ARHGAP24: variants seen among roughly 807,000 people sequenced by gnomAD.
ARHGAP24 encodes the protein Rho GTPase activating protein 24.
In ARHGAP24, 50 loss-of-function variants were observed where a neutral mutation model predicts 76.4. The observed-to-expected ratio is 0.65, with a 90% CI of 0.52 to 0.83. The LOEUF (loss-of-function observed/expected upper bound fraction) is 0.83. ARHGAP24 is among the 40% of genes least tolerant of loss of function. The pLI, the probability that ARHGAP24 is intolerant of heterozygous loss-of-function variation, is 0.00. For missense variants in ARHGAP24, 930 were observed against 914.2 expected (o/e 1.02, Z -0.22); for synonymous variants, 345 against 323.3 (o/e 1.07, Z -0.72).
At chr4:85,538,216 A>G (rs4431218) in intron 1 of ARHGAP24, among the ~76,000 whole-genome samples, 18,684 of 152,064 alleles carry the variant, frequency 0.12, 3,223 homozygotes, top group African/African-American at 0.39. Flanking sequence ...TATTTGCTCA[A>G]CAGTTTTAAT....
At chr4:85,913,564 A>G (rs1241457929) in intron 3 of ARHGAP24, among the ~76,000 whole-genome samples, 2 of 151,960 alleles carry the variant, frequency 1.3e-5, no homozygotes, top group Non-Finnish European at 2.9e-5. Flanking sequence ...CTCATTGGTG[A>G]CTTCCAAATG....
At chr4:85,936,679 G>A (rs982989245) in intron 4 of ARHGAP24, among the ~76,000 whole-genome samples, 2 of 152,142 alleles carry the variant, frequency 1.3e-5, no homozygotes, top group Non-Finnish European at 2.9e-5. Context: ...CATGCAAAAT[G>A]TTAAGGAATA....
chr4:85,649,573 C>A (rs1024014103), intron 2 of ARHGAP24, among the ~76,000 whole-genome samples: 4 of 152,128 alleles, frequency 2.6e-5, no homozygotes, highest in Non-Finnish European at 5.9e-5. Context: ...TGATTTAATT[C>A]CCCATTAGAA....
intron 3 of ARHGAP24, among the ~76,000 whole-genome samples, chr4:85,923,123 A>G (rs1415819063): frequency 2.6e-5 from 4 of 151,842 alleles, no homozygotes; most frequent in African/African-American, 9.7e-5. Flanking sequence ...TCCAGAACAG[A>G]GGCATAGAGA....
chr4:85,905,548 G>C (rs898032182), intron 3 of ARHGAP24, among the ~76,000 whole-genome samples: 3 of 152,056 alleles, frequency 2.0e-5, no homozygotes, highest in Admixed American at 6.6e-5. Context: ...AATTCACTCA[G>C]TAAGTTTCCT....
At chr4:85,797,317 C>T (rs1327870851) in intron 3 of ARHGAP24, among the ~76,000 whole-genome samples, 5 of 151,946 alleles carry the variant, frequency 3.3e-5, no homozygotes, top group African/African-American at 7.3e-5. Flanking sequence ...GGACTACAGG[C>T]GCCCGCCACC....
At chr4:85,814,093 A>G (rs1220215432) in intron 3 of ARHGAP24, among the ~76,000 whole-genome samples, 2 of 151,984 alleles carry the variant, frequency 1.3e-5, no homozygotes, top group East Asian at 3.9e-4. Flanking sequence ...CTACCATGAG[A>G]ACAGCATGGG....
intron 2 of ARHGAP24, 90 bp from the exon 3 acceptor site, chr4:85,721,795 A>G: frequency 8.8e-7 from 1 of 1,131,204 alleles, no homozygotes; most frequent in Non-Finnish European, 1.3e-6. Context: ...ACTGGGTTAT[A>G]GCTACACCTT....
intron 2 of ARHGAP24, among the ~76,000 whole-genome samples, chr4:85,627,070 C>G (rs1394226971): frequency 2.0e-5 from 3 of 152,164 alleles, no homozygotes; most frequent in African/African-American, 7.2e-5. Context: ...CTTCTTCTCT[C>G]AACTTGTCAG....
intron 5 of ARHGAP24, among the ~76,000 whole-genome samples, chr4:85,966,262 C>CA (rs1560751600): frequency 6.6e-6 from 1 of 152,140 alleles, no homozygotes; most frequent in Non-Finnish European, 1.5e-5. Flanking sequence ...AGTACCATTA[C>CA]ATTAGGAGTT....
intron 2 of ARHGAP24, among the ~76,000 whole-genome samples, chr4:85,705,453 C>G (rs1040317044): frequency 6.6e-6 from 1 of 152,156 alleles, no homozygotes; most frequent in African/African-American, 2.4e-5. Flanking sequence ...TGGGAAGTGA[C>G]TACACACTCA....
In ARHGAP24 at chr4:86,000,889, G is replaced by C; in HGVS notation, c.*167G>C. 1 of 975,546 alleles carries C rather than the reference G, an allele frequency of 1.0e-6. No individual in the cohort carries two copies. The highest frequency in any genetic ancestry group is 2.7e-5 in the East Asian group (1 of 37,680). 60.4% of individuals were successfully genotyped at this position (975,546 alleles called of 1,614,324 possible). On this transcript the variant is annotated 3_prime_UTR_variant, in exon 10 of 10. Transcript: ENST00000395184. ...ATCCATATCTGCAATGTGTACCAAAGTTATATCATGCCCCATAATGCTACT... is the reference window on the plus strand; with the variant it reads ...ATCCATATCTGCAATGTGTACCAAACTTATATCATGCCCCATAATGCTACT...
chr4:85,703,901 CA>C (rs34263930), intron 2 of ARHGAP24, among the ~76,000 whole-genome samples: 2 of 152,036 alleles, frequency 1.3e-5, no homozygotes, highest in Non-Finnish European at 2.9e-5. Flanking sequence ...ATGCTACCCC[CA>C]AAAAAATCCC....
chr4:85,826,584 A>G (rs1372177749), intron 3 of ARHGAP24, among the ~76,000 whole-genome samples: 1 of 152,162 alleles, frequency 6.6e-6, no homozygotes, highest in East Asian at 1.9e-4. Flanking sequence ...GCAGCAAGTA[A>G]TTTACTAGTC....
At chr4:85,488,392 T>C (rs950007209) in intron 1 of ARHGAP24, among the ~76,000 whole-genome samples, 15 of 152,304 alleles carry the variant, frequency 9.8e-5, no homozygotes, top group African/African-American at 3.6e-4. Context: ...TCTTTCATGT[T>C]TACTATCTAG....
intron 4 of ARHGAP24, chr4:85,930,840 G>C: frequency 6.3e-7 from 1 of 1,592,294 alleles, no homozygotes; most frequent in Non-Finnish European, 8.5e-7. Context: ...AAAATAACAA[G>C]TAAACAAGCA....
intron 3 of ARHGAP24, among the ~76,000 whole-genome samples, chr4:85,866,804 T>C (rs1306539963): frequency 6.6e-6 from 1 of 152,098 alleles, no homozygotes; most frequent in East Asian, 1.9e-4. Flanking sequence ...CATCACAGTG[T>C]CTGTTCCCAA....
At chr4:85,875,850 TCCTGCTTCAGCCTCCCGAG>T (rs1732900828) in intron 3 of ARHGAP24, among the ~76,000 whole-genome samples, 1 of 151,072 alleles carries the variant, frequency 6.6e-6, no homozygotes, top group Non-Finnish European at 1.5e-5. Flanking sequence ...CAAGCAATTT[TCCTGCTTCAGCCTCCCGAG>T]TTAGCTGAGA....
chr4:85,787,892 A>G (rs1377056048), intron 3 of ARHGAP24, among the ~76,000 whole-genome samples: 1 of 152,220 alleles, frequency 6.6e-6, no homozygotes, highest in African/African-American at 2.4e-5. Context: ...CTTCCCATGT[A>G]AAGTGCATGA....
Sources: gnomAD v4.1 joint callset for allele counts (sites outside exome capture counted in the v4.1 genomes callset) on GRCh38, gnomAD v4.1.1 for gene constraint, MANE v1.5 for transcripts, NCBI Gene and HGNC (gene_info 2026-07-23, HGNC 2026-07-21) for gene names.